The following EYS variants were observed in gnomAD, a reference collection of about 807,000 sequenced individuals.
EYS encodes EGF-like photoreceptor maintenance factor, also known as protein eyes shut homolog.
A neutral mutation model predicts 282.1 loss-of-function variants in EYS; 250 were observed. That is an observed-to-expected ratio of 0.89 (90% confidence interval 0.80 to 0.98). The LOEUF is 0.98. Among genes scored for constraint, EYS ranks in the 50% least tolerant of loss-of-function variants. The pLI is 0.00. For synonymous variants in EYS, 1,355 were observed against 1,282.9 expected (o/e 1.06, Z -1.20); for missense variants, 4,016 against 3,709.0 (o/e 1.08, Z -2.15).
intron 2 of EYS, among the ~76,000 whole-genome samples, chr6:65,519,171 G>T (rs1482522681): frequency 6.6e-6 from 1 of 151,926 alleles, no homozygotes; most frequent in Admixed American, 6.6e-5. Context: ...AATAATGCTT[G>T]GTCGTTGACA....
intron 26 of EYS, among the ~76,000 whole-genome samples, chr6:64,584,842 T>C (rs1297780329): frequency 1.3e-5 from 2 of 152,154 alleles, no homozygotes; most frequent in African/African-American, 4.8e-5. Context: ...GTATTACTTT[T>C]AGTTAATGTA....
intron 29 of EYS, among the ~76,000 whole-genome samples, chr6:64,342,581 G>T (rs1051640083): frequency 4.6e-5 from 7 of 151,912 alleles, no homozygotes; most frequent in African/African-American, 1.7e-4. Flanking sequence ...AACATGGAAA[G>T]GAACAACCGG....
At chr6:63,742,456 T>C (rs967710076) in intron 41 of EYS, among the ~76,000 whole-genome samples, 1 of 152,162 alleles carries the variant, frequency 6.6e-6, no homozygotes, top group African/African-American at 2.4e-5. Context: ...TCACAGCCAA[T>C]GTCAGCTCAG....
intron 5 of EYS, among the ~76,000 whole-genome samples, chr6:65,479,796 G>A (rs1252517115): frequency 6.6e-6 from 1 of 152,058 alleles, no homozygotes; most frequent in Non-Finnish European, 1.5e-5. Context: ...TACAAAATGT[G>A]TTTTAAAATG....
intron 33 of EYS, among the ~76,000 whole-genome samples, chr6:64,052,985 C>CT (rs558530359): frequency 3.6e-4 from 55 of 152,162 alleles, no homozygotes; most frequent in African/African-American, 1.3e-3. Context: ...TAATACATGG[C>CT]TTTTTTCATA....
At chr6:64,555,739 A>G (rs1464114896) in intron 26 of EYS, among the ~76,000 whole-genome samples, 1 of 151,996 alleles carries the variant, frequency 6.6e-6, no homozygotes, top group African/African-American at 2.4e-5. Flanking sequence ...TAATTGGGAT[A>G]TGCTAGGAAC....
At chr6:64,955,751 G>C (rs1489200522) in intron 14 of EYS, among the ~76,000 whole-genome samples, 1 of 152,132 alleles carries the variant, frequency 6.6e-6, no homozygotes, top group Admixed American at 6.5e-5. Flanking sequence ...GTCCCCGGGG[G>C]AGCGGGGGAA....
intron 11 of EYS, among the ~76,000 whole-genome samples, chr6:65,327,009 T>C (rs1769640563): frequency 6.6e-6 from 1 of 151,742 alleles, no homozygotes; most frequent in African/African-American, 2.4e-5. Context: ...TTTCTTCCTA[T>C]CCAATTTATA....
chr6:63,840,454 G>A (rs1771927644), intron 36 of EYS, among the ~76,000 whole-genome samples: 1 of 151,960 alleles, frequency 6.6e-6, no homozygotes, highest in Admixed American at 6.6e-5. Flanking sequence ...AGGCTGAATA[G>A]TTTGCAAATA....
At chr6:64,087,824 T>C (rs1214386539) in intron 31 of EYS, among the ~76,000 whole-genome samples, 3 of 152,148 alleles carry the variant, frequency 2.0e-5, no homozygotes, top group African/African-American at 7.2e-5. Flanking sequence ...TATGGGTTTA[T>C]ATATGAATTA....
Position 65,402,582 on chromosome 6 carries a change from T to G in EYS, c.1080A>C (p.Pro360=). The G allele has an allele frequency of 6.3e-7, 1 of 1,577,322 alleles. No individual in the cohort carries two copies. The highest frequency in any genetic ancestry group is 1.7e-4 in the Middle Eastern group (1 of 5,992). Residue 360 remains proline, a synonymous_variant, in exon 7 of 43, where the codon CCA becomes CCC. Coordinates refer to ENST00000503581, the MANE Select transcript of EYS (RefSeq NM_001142800.2). ...ISNDVMCICS[P]IFTDLLCKSI... ...TCTTACAAAGCAAATCTGTAAATAT[T>G]GGTGAACAGATGCACATAACATCCT...
intron 1 of EYS, among the ~76,000 whole-genome samples, chr6:65,675,297 TA>T (rs1362211309): frequency 1.3e-5 from 2 of 151,394 alleles, no homozygotes; most frequent in African/African-American, 2.4e-5. Context: ...AAATCCCCAA[TA>T]AAAAGATACA....
chr6:65,060,701 A>T (rs540709473), intron 12 of EYS, among the ~76,000 whole-genome samples: 1 of 151,312 alleles, frequency 6.6e-6, no homozygotes, highest in East Asian at 1.9e-4. Flanking sequence ...ACACTTTTCT[A>T]GTGTTTACAC....
intron 22 of EYS, among the ~76,000 whole-genome samples, chr6:64,750,285 C>T (rs563781133): frequency 6.6e-6 from 1 of 151,838 alleles, no homozygotes; most frequent in Non-Finnish European, 1.5e-5. Flanking sequence ...TTCCTAGATT[C>T]TTCTATTGGA....
At chr6:65,355,070 T>C (rs750387958) in intron 8 of EYS, among the ~76,000 whole-genome samples, 6 of 152,074 alleles carry the variant, frequency 3.9e-5, no homozygotes, top group Non-Finnish European at 7.4e-5. Context: ...ATAGAAAATA[T>C]GAAGGCCTAA....
chr6:64,104,736 C>G (rs1040265074), intron 31 of EYS, among the ~76,000 whole-genome samples: 2 of 141,574 alleles, frequency 1.4e-5, no homozygotes, highest in Non-Finnish European at 3.0e-5. Context: ...TAATATCTCT[C>G]TTCTGGCAAG....
chr6:65,048,636 T>G (rs914809891), intron 13 of EYS, among the ~76,000 whole-genome samples: 5 of 151,890 alleles, frequency 3.3e-5, no homozygotes, highest in African/African-American at 1.2e-4. Flanking sequence ...ATACTAGGAT[T>G]ATTTAAAGGA....
At chr6:65,085,062 G>T (rs1774328967) in intron 12 of EYS, among the ~76,000 whole-genome samples, 1 of 152,068 alleles carries the variant, frequency 6.6e-6, no homozygotes, top group Non-Finnish European at 1.5e-5. Context: ...TGGGAATCTA[G>T]GTCATTAGAT....
intron 22 of EYS, among the ~76,000 whole-genome samples, chr6:64,727,831 G>T (rs2149949318): frequency 6.6e-6 from 1 of 152,270 alleles, no homozygotes. Flanking sequence ...TAACTCAGAG[G>T]AATAAGTTGT....
Sources: allele counts gnomAD v4.1 joint callset (sites outside exome capture counted in the v4.1 genomes callset), GRCh38; gene constraint gnomAD v4.1.1; transcripts MANE v1.5; gene names NCBI Gene and HGNC (gene_info 2026-07-23, HGNC 2026-07-21).